Variants in SRBD1 observed in about 807,000 individuals in gnomAD.
SRBD1 encodes the protein S1 RNA-binding domain-containing protein 1.
SRBD1 carries 88 observed loss-of-function variants against 115.3 expected under a neutral mutation model. The ratio of observed to expected loss-of-function variants is 0.76; its 90% CI spans 0.64 to 0.91. The LOEUF is 0.91. Ranked by LOEUF, SRBD1 falls within the 40% of genes least tolerant of loss-of-function variation. The pLI, the probability that SRBD1 is intolerant of heterozygous loss-of-function variation, is 0.00. For missense variants in SRBD1, 1,385 were observed against 1,177.4 expected (o/e 1.18, Z -2.58); for synonymous variants, 509 against 407.7 (o/e 1.25, Z -2.99).
At chr2:45,534,943 G>A (rs989573346) in intron 14 of SRBD1, among the ~76,000 whole-genome samples, 5 of 151,778 alleles carry the variant, frequency 3.3e-5, no homozygotes, top group African/African-American at 1.2e-4. Flanking sequence ...AGAAACCCGA[G>A]AAATCATCCA....
intron 14 of SRBD1, among the ~76,000 whole-genome samples, chr2:45,509,561 A>C (rs1027379310): frequency 1.5e-5 from 2 of 130,696 alleles, no homozygotes; most frequent in East Asian, 5.1e-4. Flanking sequence ...GCACCACTGC[A>C]CTCCAGCCTG....
chr2:45,412,425 CAAATA>C (rs1456791201), intron 19 of SRBD1, among the ~76,000 whole-genome samples: 1 of 151,650 alleles, frequency 6.6e-6, no homozygotes, highest in African/African-American at 2.4e-5. Flanking sequence ...CTAAAATAAT[CAAATA>C]TAAGTGATTT....
rs143037171 is a variant in SRBD1 at position 45,560,549 on chromosome 2, A to G, written c.1409+2104T>C. On this transcript the variant is annotated intron_variant, in intron 10 of 20. Transcript: ENST00000263736. ...TCAAATCTACAAGTAAAGTATTACCATTTTAAGGATAGACAAAACTGAGAA... is the reference window on the plus strand; with the variant it reads ...TCAAATCTACAAGTAAAGTATTACCGTTTTAAGGATAGACAAAACTGAGAA... Among the ~76,000 whole-genome samples the G allele has an allele frequency of 1.1e-3, 161 of 152,364 alleles. 3 individuals carry two copies. In the East Asian group the frequency reaches 0.028, roughly 27 times the overall value.
At position 45,389,554 on chromosome 2, in the gene SRBD1, T is replaced by G; in HGVS notation, c.2744A>C (p.Asp915Ala). Residue 915 changes from aspartate to alanine, a missense_variant, in exon 21 of 21, where the codon GAT becomes GCT. Coordinates refer to ENST00000263736, the MANE Select transcript of SRBD1 (RefSeq NM_018079.5). ...DFKRSIVCLE[D>A]LQIGTVLTGK... ...TGTAAGAACTGTCCCAATCTGCAGA[T>G]CTTCCAGGCATACTATGCTTCTCTT... 5 of 1,614,022 alleles carry G rather than the reference T, an allele frequency of 3.1e-6. No homozygotes were observed. The highest frequency in any genetic ancestry group is 4.2e-6 in the Non-Finnish European group (5 of 1,179,944).
intron 10 of SRBD1, among the ~76,000 whole-genome samples, chr2:45,557,836 A>G (rs1183340762): frequency 6.6e-6 from 1 of 152,230 alleles, no homozygotes; most frequent in Non-Finnish European, 1.5e-5. Context: ...TTCAACAGTT[A>G]AATACATCTG....
At chr2:45,526,061 CCAAA>C (rs1408983769) in intron 14 of SRBD1, among the ~76,000 whole-genome samples, 2 of 151,856 alleles carry the variant, frequency 1.3e-5, no homozygotes, top group African/African-American at 4.8e-5. Flanking sequence ...CTGCAGTTCC[CCAAA>C]CAATCACAGA....
At chr2:45,590,115 A>G (rs1673671466) in intron 4 of SRBD1, among the ~76,000 whole-genome samples, 1 of 152,248 alleles carries the variant, frequency 6.6e-6, no homozygotes, top group Admixed American at 6.5e-5. Flanking sequence ...CATGTTTTAA[A>G]TCGCTAAAAG....
chr2:45,440,810 G>C (rs1009897790), intron 16 of SRBD1, among the ~76,000 whole-genome samples: 1 of 152,270 alleles, frequency 6.6e-6, no homozygotes, highest in South Asian at 2.1e-4. Context: ...GAAAGAGAGA[G>C]ACAGAAATAG....
chr2:45,418,386 T>A lies in SRBD1; in HGVS notation c.2312A>T (p.Asp771Val). 6.2e-7 allele frequency: 1 copy of A among 1,613,658 alleles called. No homozygotes were observed. The highest frequency in any genetic ancestry group is 8.5e-7 in the Non-Finnish European group (1 of 1,179,848). The change falls in exon 18 of 21, where the codon GAT becomes GTT. Residue 771 changes from aspartate to valine, a missense_variant. Coordinates refer to ENST00000263736, the MANE Select transcript of SRBD1 (RefSeq NM_018079.5). The part of the protein sequence containing the change: ...QCAGFIRINQ[D>V]YIRTFCSQQT... ...TCACCTGCAAAACGTTCGGATATAATCCTGGTTGATTCTGATGAAGCCAGC... is the reference window on the plus strand; with the variant it reads ...TCACCTGCAAAACGTTCGGATATAAACCTGGTTGATTCTGATGAAGCCAGC...
At chr2:45,531,181 G>C (rs1342204518) in intron 14 of SRBD1, among the ~76,000 whole-genome samples, 1 of 151,748 alleles carries the variant, frequency 6.6e-6, no homozygotes, top group East Asian at 1.9e-4. Context: ...GTCAGTTGTT[G>C]TGTTGGTTTC....
At chr2:45,502,345 G>C (rs573318752) in intron 14 of SRBD1, among the ~76,000 whole-genome samples, 2 of 152,176 alleles carry the variant, frequency 1.3e-5, no homozygotes, top group Non-Finnish European at 2.9e-5. Flanking sequence ...ATACCCAAAG[G>C]ATTATAAATC....
intron 16 of SRBD1, among the ~76,000 whole-genome samples, chr2:45,433,692 C>T (rs892250623): frequency 2.0e-5 from 3 of 152,134 alleles, no homozygotes; most frequent in African/African-American, 7.2e-5. Flanking sequence ...TATATACTCC[C>T]GTTAAAGACA....
chr2:45,546,371 A>C, intron 14 of SRBD1: 2 of 984,474 alleles, frequency 2.0e-6, no homozygotes, highest in Non-Finnish European at 2.4e-6. Flanking sequence ...CTTTGGGAGA[A>C]AAAGGCTAAG....
At chr2:45,401,396 C>T (rs769200835) in intron 19 of SRBD1, among the ~76,000 whole-genome samples, 35 of 152,120 alleles carry the variant, frequency 2.3e-4, no homozygotes, top group Admixed American at 5.9e-4. Context: ...ATTGTCTAGC[C>T]ATAGGTCTAT....
intron 16 of SRBD1, among the ~76,000 whole-genome samples, chr2:45,438,676 C>T (rs527778610): frequency 5.3e-5 from 8 of 151,544 alleles, no homozygotes; most frequent in Non-Finnish European, 1.0e-4. Context: ...TATCTGAAGA[C>T]CAGAAATAAA....
chr2:45,537,727 G>C (rs1037419637), intron 14 of SRBD1, among the ~76,000 whole-genome samples: 2 of 152,156 alleles, frequency 1.3e-5, no homozygotes, highest in East Asian at 3.9e-4. Context: ...TCACATAGAA[G>C]AATATCTCAT....
intron 19 of SRBD1, among the ~76,000 whole-genome samples, chr2:45,400,025 C>G (rs1667249857): frequency 6.6e-6 from 1 of 152,122 alleles, no homozygotes; most frequent in Non-Finnish European, 1.5e-5. Context: ...GAGGACTCTT[C>G]CTTGGGAAAC....
At chr2:45,470,532 G>GTAGGAGGTAACACC (rs759417119) in intron 16 of SRBD1, among the ~76,000 whole-genome samples, 8 of 152,140 alleles carry the variant, frequency 5.3e-5, no homozygotes, top group Non-Finnish European at 8.8e-5. Flanking sequence ...TACTGTGTGT[G>GTAGGAGGTAACACC]TTCATTACCA....
chr2:45,502,810 C>G (rs1670677643), intron 14 of SRBD1, among the ~76,000 whole-genome samples: 1 of 151,766 alleles, frequency 6.6e-6, no homozygotes, highest in Admixed American at 6.6e-5. Context: ...GACATGTACC[C>G]TAGAACTTAA....
Sources: gnomAD v4.1 joint callset for allele counts (sites outside exome capture counted in the v4.1 genomes callset) on GRCh38, gnomAD v4.1.1 for gene constraint, MANE v1.5 for transcripts, NCBI Gene and HGNC (gene_info 2026-07-23, HGNC 2026-07-21) for gene names.